Variants in TANC1 observed in about 807,000 individuals in gnomAD.
TANC1 encodes protein TANC1.
Under a neutral mutation model 149.7 loss-of-function variants are expected in TANC1, and 77 were observed. The ratio of observed to expected loss-of-function variants is 0.51; its 90% CI spans 0.43 to 0.62. The LOEUF is 0.62. TANC1 is among the 20% of genes least tolerant of loss of function. The pLI, the probability that TANC1 is intolerant of heterozygous loss-of-function variation, is 0.00. For missense variants in TANC1, 1,985 were observed against 2,321.8 expected (o/e 0.85, Z 2.98); for synonymous variants, 854 against 925.0 (o/e 0.92, Z 1.39).
rs776816793 is a variant in TANC1, at chr2:159,229,949, C to T, written c.4523C>T (p.Ala1508Val). The change falls in exon 27 of 27, where the codon GCA (alanine) becomes GTA (valine). Residue 1508 changes from alanine to valine, a missense_variant. By Grantham distance (64) the Ala-to-Val change is moderately conservative. Around this residue, in one of 3 missense-constraint regions of TANC1, gnomAD observed 920 missense variants for 994.7 expected, o/e 0.92. Coordinates refer to ENST00000263635, the MANE Select transcript of TANC1 (RefSeq NM_033394.3). ...KGRPVSPQSR[A>V]GIGKSLREPV... ...AGGCCGGTATCGCCACAGAGCAGGG[C>T]AGGAATCGGCAAGTCCCTGAGAGAG... 1.1e-5 allele frequency: 17 copies of T among 1,613,968 alleles called. No individual in the cohort carries two copies. In the East Asian group the frequency reaches 3.6e-4, roughly 34 times the overall value.
intron 5 of TANC1, among the ~76,000 whole-genome samples, chr2:159,136,629 A>G (rs1435779335): frequency 2.0e-5 from 3 of 152,128 alleles, no homozygotes; most frequent in African/African-American, 4.8e-5. Context: ...TTAATATTCT[A>G]CTGCTTGAGA....
In TANC1 at chr2:159,079,269, G is replaced by A. The variant is rs116485413; in HGVS notation, c.61+13298G>A. On this transcript the variant is annotated intron_variant, in intron 3 of 26. Transcript: ENST00000263635. ...TGATCTTGAATTCCCGAACTCAAGC[G>A]ATCCTCCTGCCTTAGCATCCCTAGT... 2.1e-3 allele frequency among the ~76,000 whole-genome samples: 319 copies of A among 151,192 alleles called. 2 individuals are homozygous for A. The highest frequency in any genetic ancestry group is 7.1e-3 in the African/African-American group (292 of 41,184).
In TANC1 at chr2:159,001,130, A is replaced by G. The variant is rs16843536; in HGVS notation, c.-75A>G. Reference sequence around the variant, plus strand: ...TCTCAGGAGAAAGAGTGGAAGAGAAAATTGTGAACTAAGGCCCCCTGCCCC... The same window carrying G: ...TCTCAGGAGAAAGAGTGGAAGAGAAGATTGTGAACTAAGGCCCCCTGCCCC... On this transcript the variant is annotated 5_prime_UTR_variant, in exon 2 of 27. Transcript: ENST00000263635. This position sits in a 1 kb window ranked among gnomAD's most constrained non-coding sequence, Gnocchi z 4.3. The G allele has an allele frequency of 0.074, 11,311 of 152,438 alleles. 632 individuals are homozygous for G. The highest frequency in any genetic ancestry group is 0.16 in the East Asian group (819 of 5,180). 9.4% of individuals were successfully genotyped at this position (152,438 alleles called of 1,614,324 possible). A position where few individuals can be genotyped will look rare whatever the true frequency, so the allele number is the denominator to read the frequency against.
chr2:158,980,295 T>C (rs1023711683), intron 1 of TANC1, among the ~76,000 whole-genome samples: 8 of 152,036 alleles, frequency 5.3e-5, no homozygotes, highest in East Asian at 3.8e-4. Flanking sequence ...TTTTTTTTTT[T>C]CCAGAACATT....
intron 8 of TANC1, among the ~76,000 whole-genome samples, chr2:159,167,158 A>C (rs953541371): frequency 1.3e-5 from 2 of 152,232 alleles, no homozygotes; most frequent in Non-Finnish European, 2.9e-5. Context: ...GAGGCTCTAA[A>C]GCATCTTTTT....
At chr2:159,091,962 A>G (rs56277867) in intron 3 of TANC1, among the ~76,000 whole-genome samples, 48,257 of 137,974 alleles carry the variant, frequency 0.35, 9,852 homozygotes, top group Non-Finnish European at 0.47. Context: ...CTGTAAATAT[A>G]GGGGGGGGTG....
At chr2:158,995,383 G>C (rs1480917184) in intron 1 of TANC1, among the ~76,000 whole-genome samples, 2 of 152,200 alleles carry the variant, frequency 1.3e-5, no homozygotes, top group Admixed American at 6.5e-5. Context: ...TACCAGTGGA[G>C]TGTAAATTCC....
intron 22 of TANC1, among the ~76,000 whole-genome samples, chr2:159,223,388 T>C (rs185860439): frequency 1.3e-5 from 2 of 152,334 alleles, no homozygotes; most frequent in East Asian, 3.9e-4. Context: ...ATCATTTTTG[T>C]AGAAATCTAT....
intron 2 of TANC1, among the ~76,000 whole-genome samples, chr2:159,026,097 A>G (rs942127673): frequency 8.5e-5 from 13 of 152,092 alleles, no homozygotes; most frequent in African/African-American, 3.1e-4. Flanking sequence ...ATTCCTGGCT[A>G]ATTTTTAAAT....
intron 8 of TANC1, 127 bp from the exon 9 acceptor site, chr2:159,169,123 A>T (rs2150453562): frequency 1.6e-6 from 1 of 631,184 alleles, no homozygotes; most frequent in Non-Finnish European, 2.6e-6. Context: ...ACAATATCAA[A>T]ATGAAGTTTA....
intron 24 of TANC1, chr2:159,226,128 C>T (rs1000666394): frequency 2.0e-5 from 6 of 301,582 alleles, no homozygotes; most frequent in South Asian, 3.1e-5. Context: ...TGAGATTGCA[C>T]CACTGCACTC....
rs184318685 is a variant in TANC1, at chr2:159,068,360, A to G, written c.61+2389A>G. On this transcript the variant is annotated intron_variant, in intron 3 of 26. Coordinates refer to ENST00000263635, the MANE Select transcript of TANC1 (RefSeq NM_033394.3). ...GCTGTACTGTTTCCAATTAAAACCA[A>G]TCTTTGTTGCAAAGACATAAGAAAA... is the stretch of plus-strand genomic sequence containing the variant. 2.0e-5 allele frequency among the ~76,000 whole-genome samples: 3 copies of G among 152,310 alleles called. No individual in the cohort carries two copies. In the East Asian group the frequency reaches 5.8e-4, roughly 29 times the overall value.
At chr2:159,109,817 A>G (rs2047547539) in intron 4 of TANC1, among the ~76,000 whole-genome samples, 1 of 152,166 alleles carries the variant, frequency 6.6e-6, no homozygotes, top group Non-Finnish European at 1.5e-5. Flanking sequence ...AGTCAACCTT[A>G]TTTTACTTAA....
chr2:159,022,931 G>C (rs1462140814), intron 2 of TANC1, among the ~76,000 whole-genome samples: 1 of 152,074 alleles, frequency 6.6e-6, no homozygotes, highest in Non-Finnish European at 1.5e-5. Context: ...TATTCATCAG[G>C]AGCATACTAT....
chr2:159,046,792 C>T (rs913274551), intron 2 of TANC1, among the ~76,000 whole-genome samples: 5 of 151,278 alleles, frequency 3.3e-5, no homozygotes, highest in South Asian at 4.2e-4. Flanking sequence ...TTTGTGGAGA[C>T]GGGTTTTCAC....
chr2:159,003,058 A>G (rs1470638327), intron 2 of TANC1, among the ~76,000 whole-genome samples: 1 of 152,190 alleles, frequency 6.6e-6, no homozygotes, highest in African/African-American at 2.4e-5. Context: ...GCGGGATGCT[A>G]TCCATCAAAA....
chr2:159,163,451 C>T lies in TANC1; in HGVS notation c.851C>T (p.Thr284Met), dbSNP rs183701876. Reference protein sequence around the residue: ...EEETTGSAESTLPKAESSAGD... With the variant: ...EEETTGSAESMLPKAESSAGD... The stretch of plus-strand genomic sequence containing the variant: ...GAGACCACCGGGTCAGCAGAGAGCA[C>T]GCTGCCCAAAGCAGAATCCTCAGCT... The change falls in exon 8 of 27, where the codon ACG becomes ATG. Residue 284 changes from threonine (T) to methionine (M), a missense_variant. Around this residue, in one of 3 missense-constraint regions of TANC1, gnomAD observed 557 missense variants for 612.9 expected, o/e 0.91. Coordinates refer to ENST00000263635, the MANE Select transcript of TANC1 (RefSeq NM_033394.3). 72 of 1,614,080 alleles carry T rather than the reference C, an allele frequency of 4.5e-5. No individual in the cohort carries two copies. Among genetic ancestry groups the T allele is most frequent in the East Asian group, 6.7e-5 (3 of 44,886 alleles).
intron 19 of TANC1, among the ~76,000 whole-genome samples, chr2:159,212,561 G>T (rs1176009689): frequency 6.6e-6 from 1 of 152,160 alleles, no homozygotes; most frequent in Non-Finnish European, 1.5e-5. Flanking sequence ...ATCTTGTGTT[G>T]TATCCATGGG....
chr2:159,135,404 A>G (rs536616111), intron 4 of TANC1, among the ~76,000 whole-genome samples: 1 of 152,382 alleles, frequency 6.6e-6, no homozygotes, highest in African/African-American at 2.4e-5. Context: ...TTGTGTGAAC[A>G]TACATTCCCA....
Sources: allele counts gnomAD v4.1 joint callset (sites outside exome capture counted in the v4.1 genomes callset), GRCh38; gene constraint gnomAD v4.1.1; regional missense constraint gnomAD v4.1.1; non-coding constraint Gnocchi (gnomAD v3.1); transcripts MANE v1.5; gene names NCBI Gene and HGNC (gene_info 2026-07-23, HGNC 2026-07-21).